POFUT3: variants seen among roughly 807,000 people sequenced by gnomAD.
POFUT3 encodes protein O-fucosyltransferase 3.
At chr8:33,341,621 G>C in the POFUT3 span, among the ~76,000 whole-genome samples, 1 of 151,958 alleles carries the variant, frequency 6.6e-6, no homozygotes, top group Non-Finnish European at 1.5e-5. Context: ...CATTAAAGGT[G>C]GGGGAAAGCC....
chr8:33,392,624 CT>C, the POFUT3 span, among the ~76,000 whole-genome samples: 1 of 151,836 alleles, frequency 6.6e-6, no homozygotes, highest in Non-Finnish European at 1.5e-5. Context: ...TCATTTTGCC[CT>C]GCAAGCATCT....
the POFUT3 span, among the ~76,000 whole-genome samples, chr8:33,398,328 C>T: frequency 6.6e-6 from 1 of 152,110 alleles, no homozygotes; most frequent in Admixed American, 6.5e-5. Flanking sequence ...TTAAAACTGT[C>T]GTATTTTCAT....
the POFUT3 span, among the ~76,000 whole-genome samples, chr8:33,344,075 G>T: frequency 6.6e-6 from 1 of 152,262 alleles, no homozygotes; most frequent in African/African-American, 2.4e-5. Context: ...TAGTTCGTTT[G>T]TCTTGTTAAT....
At chr8:33,414,025 G>C in the POFUT3 span, among the ~76,000 whole-genome samples, 1 of 152,030 alleles carries the variant, frequency 6.6e-6, no homozygotes, top group Non-Finnish European at 1.5e-5. Flanking sequence ...AATCTTCTCT[G>C]TCCCCCCTTC....
the POFUT3 span, among the ~76,000 whole-genome samples, chr8:33,438,136 T>C: frequency 6.6e-6 from 1 of 152,242 alleles, no homozygotes; most frequent in Non-Finnish European, 1.5e-5. Flanking sequence ...AGGTTGTTTA[T>C]GCATCACAGT....
the POFUT3 span, among the ~76,000 whole-genome samples, chr8:33,438,748 G>A: frequency 1.7e-3 from 252 of 152,302 alleles, 1 homozygote; most frequent in Admixed American, 3.5e-3. Flanking sequence ...TATGGTGGCA[G>A]GCAAGGGAAT....
the POFUT3 span, chr8:33,451,586 A>C: frequency 1.3e-5 from 2 of 151,756 alleles, no homozygotes; most frequent in Non-Finnish European, 2.9e-5. Context: ...GTGTGTACAT[A>C]TGTGTATGTG....
chr8:33,428,852 T>C, the POFUT3 span, among the ~76,000 whole-genome samples: 99,475 of 152,056 alleles, frequency 0.65, 32,927 homozygotes, highest in African/African-American at 0.72. Flanking sequence ...CCATCTTAGA[T>C]TTCCCAGCCC....
chr8:33,417,198 A>T, the POFUT3 span, among the ~76,000 whole-genome samples: 1 of 152,212 alleles, frequency 6.6e-6, no homozygotes, highest in Admixed American at 6.5e-5. Context: ...TCCTTATGAG[A>T]ACCTGACGCC....
chr8:33,388,774 C>T, the POFUT3 span: 4 of 603,734 alleles, frequency 6.6e-6, no homozygotes, highest in Non-Finnish European at 1.2e-5. Context: ...AAGGCCTGTC[C>T]AGGGCTTGTA....
the POFUT3 span, chr8:33,460,786 G>T: frequency 1.0e-6 from 1 of 983,732 alleles, no homozygotes; most frequent in Non-Finnish European, 1.2e-6. Flanking sequence ...TTAAAAAAGG[G>T]GGGCAGGGGG....
chr8:33,400,424 G>A, the POFUT3 span, among the ~76,000 whole-genome samples: 1 of 151,962 alleles, frequency 6.6e-6, no homozygotes, highest in Non-Finnish European at 1.5e-5. Context: ...CTGCACTCCA[G>A]CCTGGGTGAC....
At chr8:33,309,937 A>G in the POFUT3 span, among the ~76,000 whole-genome samples, 1 of 152,108 alleles carries the variant, frequency 6.6e-6, no homozygotes, top group Non-Finnish European at 1.5e-5. Context: ...TTCAAGACCC[A>G]ATTCTCCTGC....
the POFUT3 span, among the ~76,000 whole-genome samples, chr8:33,456,867 C>T: frequency 0.57 from 85,686 of 149,584 alleles, 24,718 homozygotes; most frequent in Non-Finnish European, 0.59. Flanking sequence ...CTCCCAGGTT[C>T]AAGTGATTCT....
the POFUT3 span, among the ~76,000 whole-genome samples, chr8:33,453,983 C>T: frequency 6.6e-6 from 1 of 152,042 alleles, no homozygotes. Flanking sequence ...AAAAATTGGC[C>T]GGGCATGGTG....
At chr8:33,414,118 C>A in the POFUT3 span, among the ~76,000 whole-genome samples, 1 of 152,104 alleles carries the variant, frequency 6.6e-6, no homozygotes, top group African/African-American at 2.4e-5. Flanking sequence ...TCTTAAGATT[C>A]CCCTCTGTAG....
the POFUT3 span, among the ~76,000 whole-genome samples, chr8:33,387,083 A>T: frequency 6.7e-3 from 1,017 of 152,156 alleles, 1 homozygote; most frequent in Non-Finnish European, 0.011. Flanking sequence ...ATGTTTTCAC[A>T]TGGGTGGGTG....
At chr8:33,457,536 G>C in the POFUT3 span, among the ~76,000 whole-genome samples, 2 of 150,526 alleles carry the variant, frequency 1.3e-5, no homozygotes, top group South Asian at 2.1e-4. Flanking sequence ...TTTTTTTTTT[G>C]AGACAACTGG....
the POFUT3 span, among the ~76,000 whole-genome samples, chr8:33,346,866 G>A: frequency 1.3e-5 from 2 of 152,126 alleles, no homozygotes; most frequent in African/African-American, 4.8e-5. Flanking sequence ...CCATGTGAAT[G>A]TCACAGTTAT....
Sources: allele counts gnomAD v4.1 joint callset (sites outside exome capture counted in the v4.1 genomes callset), GRCh38; gene constraint gnomAD v4.1.1; transcripts MANE v1.5; gene names NCBI Gene and HGNC (gene_info 2026-07-23, HGNC 2026-07-21).